MGAT5: variants seen among roughly 807,000 people sequenced by gnomAD.
The protein encoded by MGAT5 is alpha-1,6-mannosylglycoprotein 6-beta-N-acetylglucosaminyltransferase.
MGAT5 carries 30 observed loss-of-function variants against 94.3 expected under a neutral mutation model. The observed-to-expected ratio is 0.32, with a 90% CI of 0.24 to 0.43. The LOEUF is 0.43. MGAT5 is among the 20% of genes least tolerant of loss of function. The probability of loss-of-function intolerance (pLI) is 1.00; values close to 1 mark genes in which losing one functional copy is unlikely to be tolerated. For missense variants in MGAT5, 691 were observed against 905.5 expected (o/e 0.76, Z 3.04); for synonymous variants, 310 against 322.9 (o/e 0.96, Z 0.43).
chr2:134,441,985 G>C, intron 15 of MGAT5, 70 bp downstream of exon 15: 8 of 1,552,194 alleles, frequency 5.2e-6, no homozygotes, highest in Non-Finnish European at 6.2e-6. Context: ...GTAGTCAGGT[G>C]AGAGGTACAG....
At chr2:134,414,907 A>G (rs1683880420) in intron 12 of MGAT5, among the ~76,000 whole-genome samples, 1 of 152,184 alleles carries the variant, frequency 6.6e-6, no homozygotes, top group Non-Finnish European at 1.5e-5. Context: ...GGCTTATTTT[A>G]CTTAGCATAA....
rs762033601 is a variant in MGAT5 at position 134,270,591 on chromosome 2, C to T, written c.406+41C>T. On this transcript the variant is annotated intron_variant, in intron 2 of 15. Coordinates refer to ENST00000281923, the MANE Select transcript of MGAT5 (RefSeq NM_002410.5). ...CTCTGCCCTGATATGGAGTCACACC[C>T]TGCTTTGGACCAAGAAGAGAATAAA... 5 of 1,596,004 alleles carry T rather than the reference C, an allele frequency of 3.1e-6. No homozygotes were observed. The South Asian group carries it at 4.4e-5, about 14-fold the overall frequency.
intron 1 of MGAT5, among the ~76,000 whole-genome samples, chr2:134,200,880 C>T (rs927422261): frequency 6.6e-6 from 1 of 152,030 alleles, no homozygotes; most frequent in Non-Finnish European, 1.5e-5. Context: ...AAAAAATTAG[C>T]CCAGTGTTGT....
intron 13 of MGAT5, among the ~76,000 whole-genome samples, chr2:134,426,489 C>A (rs1684596515): frequency 6.6e-6 from 1 of 152,160 alleles, no homozygotes; most frequent in Admixed American, 6.5e-5. Flanking sequence ...TGCTTGGGTA[C>A]TCGGCGTGCT....
At chr2:134,414,291 T>C (rs897224011) in intron 12 of MGAT5, among the ~76,000 whole-genome samples, 2 of 152,294 alleles carry the variant, frequency 1.3e-5, no homozygotes, top group South Asian at 2.1e-4. Context: ...TGCTAGGTGC[T>C]GTAGGAAGTG....
At chr2:134,329,993 T>A (rs1474601922) in intron 4 of MGAT5, among the ~76,000 whole-genome samples, 1 of 152,060 alleles carries the variant, frequency 6.6e-6, no homozygotes, top group African/African-American at 2.4e-5. Context: ...GGGGCTTACT[T>A]TTTTTTAGTG....
At chr2:134,153,060 C>T (rs1207332359) in intron 1 of MGAT5, among the ~76,000 whole-genome samples, 5 of 152,088 alleles carry the variant, frequency 3.3e-5, no homozygotes, top group African/African-American at 4.8e-5. Context: ...TGTGCCACCA[C>T]GCCCGGCTAA....
intron 12 of MGAT5, among the ~76,000 whole-genome samples, chr2:134,419,392 T>A (rs947708223): frequency 6.6e-6 from 1 of 151,836 alleles, no homozygotes; most frequent in Non-Finnish European, 1.5e-5. Flanking sequence ...AGGTTCTCGA[T>A]CATTTTTCTG....
intron 11 of MGAT5, among the ~76,000 whole-genome samples, chr2:134,404,139 G>T (rs117077435): frequency 6.6e-6 from 1 of 152,176 alleles, no homozygotes; most frequent in African/African-American, 2.4e-5. Flanking sequence ...TGTGCTAGGC[G>T]TTGTACAAGG....
chr2:134,387,993 C>A (rs181057496), intron 10 of MGAT5, among the ~76,000 whole-genome samples: 1 of 152,206 alleles, frequency 6.6e-6, no homozygotes, highest in East Asian at 1.9e-4. Context: ...AGTCAGGAGA[C>A]TCCAAAATCT....
At chr2:134,317,397 A>T in intron 2 of MGAT5, 132 bp from the exon 3 acceptor site, 2 of 526,038 alleles carry the variant, frequency 3.8e-6, no homozygotes, top group Non-Finnish European at 6.5e-6. Context: ...GAGGGGCTCC[A>T]TGTATCAGAG....
chr2:134,334,426 GGGT>G (rs1483986569), intron 4 of MGAT5, among the ~76,000 whole-genome samples: 2 of 150,228 alleles, frequency 1.3e-5, no homozygotes, highest in African/African-American at 4.9e-5. Flanking sequence ...TCATCCTGGT[GGGT>G]GGCTGGTAAA....
chr2:134,145,142 G>A (rs1360261960), intron 1 of MGAT5, among the ~76,000 whole-genome samples: 1 of 151,572 alleles, frequency 6.6e-6, no homozygotes, highest in Non-Finnish European at 1.5e-5. Context: ...TGACTTCTTG[G>A]ATATGCATTG....
chr2:134,438,911 A>G (rs1274279984), intron 14 of MGAT5, among the ~76,000 whole-genome samples: 1 of 152,108 alleles, frequency 6.6e-6, no homozygotes, highest in Non-Finnish European at 1.5e-5. Flanking sequence ...CTGGAATTCT[A>G]TTTGCAGCTG....
chr2:134,319,940 C>T (rs759585583), intron 4 of MGAT5: 1 of 249,046 alleles, frequency 4.0e-6, no homozygotes, highest in Non-Finnish European at 8.1e-6. Flanking sequence ...CTCATGAGGA[C>T]ATCACATCTG....
At chr2:134,390,426 C>T (rs1682330829) in intron 10 of MGAT5, among the ~76,000 whole-genome samples, 1 of 152,200 alleles carries the variant, frequency 6.6e-6, no homozygotes, top group African/African-American at 2.4e-5. Context: ...CATATGTATA[C>T]ATGTGCCATG....
chr2:134,319,822 T>G lies in MGAT5; in HGVS notation c.573+1083T>G, dbSNP rs919401627. On this transcript the variant is annotated intron_variant, in intron 4 of 15. Transcript: ENST00000281923. The stretch of plus-strand genomic sequence containing the variant: ...CATTCTGGGTCCGTACATATGCATG[T>G]CTATAGCAGTCATCCCAGTTGTCAT... The G allele has an allele frequency of 3.2e-5, 11 of 346,260 alleles. 1 individual carries two copies. The highest frequency in any genetic ancestry group is 3.0e-4 in the Admixed American group (8 of 27,012). 21.4% of individuals were successfully genotyped at this position (346,260 alleles called of 1,614,324 possible).
At chr2:134,236,670 G>T (rs1681653719) in intron 1 of MGAT5, among the ~76,000 whole-genome samples, 1 of 152,132 alleles carries the variant, frequency 6.6e-6, no homozygotes, top group Non-Finnish European at 1.5e-5. Flanking sequence ...AAATTACCCA[G>T]TCTCGGGTAT....
chr2:134,361,337 A>T (rs932801666), intron 9 of MGAT5, among the ~76,000 whole-genome samples: 10 of 152,222 alleles, frequency 6.6e-5, no homozygotes, highest in Middle Eastern at 3.2e-3. Context: ...CAGTTGCTTC[A>T]TTTAATATCA....
Sources: gnomAD v4.1 joint callset for allele counts (sites outside exome capture counted in the v4.1 genomes callset) on GRCh38, gnomAD v4.1.1 for gene constraint, MANE v1.5 for transcripts, NCBI Gene and HGNC (gene_info 2026-07-23, HGNC 2026-07-21) for gene names.